GPR137C: variants seen among roughly 807,000 people sequenced by gnomAD.
GPR137C encodes the protein G protein-coupled receptor 137C, also known as integral membrane protein GPR137C.
In GPR137C, 27 loss-of-function variants were observed where a neutral mutation model predicts 43.4. That is an observed-to-expected ratio of 0.62 (90% confidence interval 0.46 to 0.86). The LOEUF (loss-of-function observed/expected upper bound fraction) is 0.86, where lower values mean the gene tolerates loss of function less well. Among genes scored for constraint, GPR137C ranks in the 40% least tolerant of loss-of-function variants. The pLI, the probability that GPR137C is intolerant of heterozygous loss-of-function variation, is 0.00. For missense variants in GPR137C, 522 were observed against 534.6 expected (o/e 0.98, Z 0.23); for synonymous variants, 285 against 226.9 (o/e 1.26, Z -2.30).
At chr14:52,625,716 G>A (rs569360225) in intron 3 of GPR137C, among the ~76,000 whole-genome samples, 16 of 151,340 alleles carry the variant, frequency 1.1e-4, no homozygotes, top group African/African-American at 2.7e-4. Context: ...CACCATGCCC[G>A]GCTAATTTTT....
Position 52,553,143 on chromosome 14 carries a change from C to A in GPR137C, c.-5C>A. 2 of 1,168,200 alleles carry A rather than the reference C, an allele frequency of 1.7e-6. No homozygotes were observed. The highest frequency in any genetic ancestry group is 4.2e-5 in the South Asian group (1 of 23,718). 72.4% of individuals were successfully genotyped at this position (1,168,200 alleles called of 1,614,324 possible). On this transcript the variant is annotated 5_prime_UTR_variant, in exon 1 of 7. Transcript: ENST00000321662. ...GCGCTCGCTCGCCCGGCCCCCAGCC[C>A]CCTCATGAGGGTGTCCGTGCCGGGT...
intron 4 of GPR137C, 132 bp from the exon 5 acceptor site, chr14:52,633,398 T>G (rs1313411914): frequency 1.5e-6 from 1 of 651,608 alleles, no homozygotes; most frequent in Non-Finnish European, 2.5e-6. Context: ...CCACAAAATA[T>G]AGAAAGTTTT....
chr14:52,554,258 C>T (rs906017403), intron 1 of GPR137C, among the ~76,000 whole-genome samples: 1 of 152,148 alleles, frequency 6.6e-6, no homozygotes, highest in Non-Finnish European at 1.5e-5. Flanking sequence ...GCGGTTTATC[C>T]TACCTCCTAT....
intron 1 of GPR137C, among the ~76,000 whole-genome samples, chr14:52,583,423 A>G (rs750461054): frequency 5.0e-4 from 76 of 152,200 alleles, no homozygotes; most frequent in Admixed American, 9.8e-4. Context: ...GCATTGGAAC[A>G]TGTTCTGCAA....
intron 3 of GPR137C, among the ~76,000 whole-genome samples, chr14:52,606,767 A>G (rs1343158023): frequency 6.6e-6 from 1 of 151,630 alleles, no homozygotes; most frequent in Non-Finnish European, 1.5e-5. Flanking sequence ...CCTCTTTTGT[A>G]TTTTTTTAAG....
chr14:52,571,835 A>G (rs1184756167), intron 1 of GPR137C, among the ~76,000 whole-genome samples: 4 of 152,112 alleles, frequency 2.6e-5, no homozygotes, highest in Non-Finnish European at 5.9e-5. Context: ...AAAGATTAAC[A>G]AAATAGACCA....
chr14:52,584,902 A>T (rs1442240902), intron 1 of GPR137C, among the ~76,000 whole-genome samples: 1 of 150,822 alleles, frequency 6.6e-6, no homozygotes, highest in Non-Finnish European at 1.5e-5. Context: ...GATCTGGCCC[A>T]TTTTTTTTTC....
At chr14:52,629,998 T>G (rs1336919230) in intron 3 of GPR137C, among the ~76,000 whole-genome samples, 1 of 152,182 alleles carries the variant, frequency 6.6e-6, no homozygotes, top group Admixed American at 6.5e-5. Flanking sequence ...TTGAATTGCT[T>G]GTTCTGACTC....
chr14:52,619,220 C>G (rs1023164207), intron 3 of GPR137C, among the ~76,000 whole-genome samples: 1 of 152,022 alleles, frequency 6.6e-6, no homozygotes, highest in Non-Finnish European at 1.5e-5. Flanking sequence ...ATACAGCTAA[C>G]GCAATGGTTT....
rs1332827719 is a variant in GPR137C, at chr14:52,624,285, A to G, written c.718-7875A>G. On this transcript the variant is annotated intron_variant, in intron 3 of 6. Coordinates refer to ENST00000321662, the MANE Select transcript of GPR137C (RefSeq NM_001099652.2). ...AAACTGAAGGATAATGAAATAAAAT[A>G]TATCAAAATTTGTGGAATGCAGTAA... Among the ~76,000 whole-genome samples the G allele has an allele frequency of 9.9e-5, 15 of 151,940 alleles. 1 individual carries two copies. The South Asian group carries it at 2.9e-3, about 29-fold the overall frequency.
chr14:52,601,343 G>A (rs528762652), intron 3 of GPR137C, among the ~76,000 whole-genome samples: 6 of 152,042 alleles, frequency 3.9e-5, no homozygotes, highest in East Asian at 1.9e-4. Flanking sequence ...CTATATTTTC[G>A]TTATCCTTAA....
intron 3 of GPR137C, among the ~76,000 whole-genome samples, chr14:52,629,155 T>C (rs1263601495): frequency 6.6e-6 from 1 of 152,162 alleles, no homozygotes; most frequent in Non-Finnish European, 1.5e-5. Flanking sequence ...AAACTGAAAC[T>C]CTCACACTTT....
intron 1 of GPR137C, among the ~76,000 whole-genome samples, chr14:52,578,815 G>A (rs912949192): frequency 6.6e-6 from 1 of 152,080 alleles, no homozygotes; most frequent in African/African-American, 2.4e-5. Flanking sequence ...GTGGTGGCAC[G>A]TGCCTTTAGT....
At chr14:52,597,739 T>C (rs1222278717) in intron 1 of GPR137C, among the ~76,000 whole-genome samples, 1 of 152,206 alleles carries the variant, frequency 6.6e-6, no homozygotes, top group Non-Finnish European at 1.5e-5. Context: ...TCAACAAGTA[T>C]CTGAGCACCT....
At chr14:52,626,878 A>G (rs2039233695) in intron 3 of GPR137C, among the ~76,000 whole-genome samples, 1 of 152,214 alleles carries the variant, frequency 6.6e-6, no homozygotes, top group Non-Finnish European at 1.5e-5. Context: ...TAGCTCAAAA[A>G]AAAGATATTT....
At chr14:52,561,305 A>G (rs2139437140) in intron 1 of GPR137C, among the ~76,000 whole-genome samples, 1 of 152,336 alleles carries the variant, frequency 6.6e-6, no homozygotes, top group African/African-American at 2.4e-5. Context: ...TAAGCCTGTC[A>G]TAAAATCTAG....
intron 3 of GPR137C, among the ~76,000 whole-genome samples, chr14:52,628,663 G>A (rs543650144): frequency 1.1e-4 from 16 of 152,146 alleles, no homozygotes; most frequent in African/African-American, 3.4e-4. Flanking sequence ...AGGTGTGGTG[G>A]CAGGCACCTG....
chr14:52,624,052 A>T (rs902795596), intron 3 of GPR137C, among the ~76,000 whole-genome samples: 2 of 151,452 alleles, frequency 1.3e-5, no homozygotes, highest in Non-Finnish European at 2.9e-5. Flanking sequence ...AATATATATA[A>T]TTTTTTATTT....
chr14:52,634,445 A>G (rs1047673227), intron 6 of GPR137C, among the ~76,000 whole-genome samples: 2 of 152,130 alleles, frequency 1.3e-5, no homozygotes, highest in Non-Finnish European at 2.9e-5. Context: ...GGCTGAAGCC[A>G]TGAAGCATAA....
Sources: allele counts gnomAD v4.1 joint callset (sites outside exome capture counted in the v4.1 genomes callset), GRCh38; gene constraint gnomAD v4.1.1; transcripts MANE v1.5; gene names NCBI Gene and HGNC (gene_info 2026-07-23, HGNC 2026-07-21).